Variants in TTYH2 observed in about 807,000 individuals in gnomAD.
TTYH2 encodes the protein tweety family member 2.
TTYH2 carries 49 observed loss-of-function variants against 68.3 expected under a neutral mutation model. The ratio of observed to expected loss-of-function variants is 0.72; its 90% confidence interval spans 0.57 to 0.91. TTYH2 has a LOEUF of 0.91. Among genes scored for constraint, TTYH2 ranks in the 40% least tolerant of loss-of-function variants. The pLI, the probability that TTYH2 is intolerant of heterozygous loss-of-function variation, is 0.00. For missense variants in TTYH2, 631 were observed against 700.4 expected, an observed-to-expected ratio of 0.90 and a Z score of 1.12; for synonymous variants, 272 against 300.8, an observed-to-expected ratio of 0.90 and a Z score of 0.99.
chr17:74,250,426 A>G, intron 10 of TTYH2, 69 bp downstream of exon 10: 1 of 1,356,218 alleles, frequency 7.4e-7, no homozygotes, highest in Non-Finnish European at 1.0e-6. Context: ...TCCAGAGAAA[A>G]GCCGGTAGAG....
chr17:74,253,584 T>A (rs2050660355), intron 12 of TTYH2, among the ~76,000 whole-genome samples, 171 bp from the exon 13 acceptor site: 1 of 152,176 alleles, frequency 6.6e-6, no homozygotes, highest in Non-Finnish European at 1.5e-5. Context: ...GTCCCCAGGC[T>A]TCCCAAGGTG....
chr17:74,248,491 C>T (rs1329145621), intron 6 of TTYH2: 1 of 991,300 alleles, frequency 1.0e-6, no homozygotes, highest in Non-Finnish European at 1.2e-6. Flanking sequence ...CTCACAGATG[C>T]TTCAGCACCA....
chr17:74,247,854 T>C (rs1435308474), intron 6 of TTYH2: 2 of 152,292 alleles, frequency 1.3e-5, no homozygotes, highest in African/African-American at 4.8e-5. Flanking sequence ...CGTGCGTGCA[T>C]GCGTGTGTGT....
At position 74,222,455 on chromosome 17, in the gene TTYH2, G is replaced by A. The variant is rs2050284784; in HGVS notation, c.130-30G>A. 1 of 1,589,198 alleles carries A rather than the reference G, an allele frequency of 6.3e-7. No individual in the cohort carries two copies. Among genetic ancestry groups the A allele is most frequent in the Non-Finnish European group, 8.5e-7 (1 of 1,170,354 alleles). On this transcript the variant is annotated intron_variant, in intron 1 of 13. Coordinates refer to ENST00000269346, the MANE Select transcript of TTYH2 (RefSeq NM_032646.6). This position sits in a 1 kb window ranked among gnomAD's most constrained non-coding sequence, Gnocchi z 5.2. ...CAGAGCCCCGCACTGCAGGGATGAAGAGTGACAACAGGCCTCTGCTCTCTT... is the reference window on the plus strand; with the variant it reads ...CAGAGCCCCGCACTGCAGGGATGAAAAGTGACAACAGGCCTCTGCTCTCTT...
intron 7 of TTYH2, 51 bp from the exon 8 acceptor site, chr17:74,249,293 A>G: frequency 6.2e-7 from 1 of 1,610,008 alleles, no homozygotes; most frequent in Non-Finnish European, 8.5e-7. Context: ...GATGATAGAG[A>G]TCTCATCTGG....
At chr17:74,229,756 C>A (rs1437315121) in intron 2 of TTYH2, among the ~76,000 whole-genome samples, 2 of 152,156 alleles carry the variant, frequency 1.3e-5, no homozygotes, top group African/African-American at 4.8e-5. Flanking sequence ...GCGAAAGAAG[C>A]CAGTCCGAAA....
intron 6 of TTYH2, among the ~76,000 whole-genome samples, chr17:74,244,656 A>G (rs2050537467): frequency 6.6e-6 from 1 of 152,110 alleles, no homozygotes; most frequent in Non-Finnish European, 1.5e-5. Context: ...AGGACCTAAC[A>G]CTGGCGCTAA....
intron 2 of TTYH2, among the ~76,000 whole-genome samples, chr17:74,224,767 A>G (rs935337745): frequency 1.3e-5 from 2 of 152,224 alleles, no homozygotes; most frequent in African/African-American, 4.8e-5. Context: ...TGGGAGGCCA[A>G]GGTGGGTGGA....
chr17:74,244,333 G>A (rs1049771489), intron 6 of TTYH2, among the ~76,000 whole-genome samples: 2 of 152,228 alleles, frequency 1.3e-5, no homozygotes, highest in Non-Finnish European at 2.9e-5. Flanking sequence ...AGGCTTACAC[G>A]TGCTTAGGCT....
At chr17:74,216,621 C>G (rs946228221) in intron 1 of TTYH2, among the ~76,000 whole-genome samples, 6 of 152,230 alleles carry the variant, frequency 3.9e-5, no homozygotes, top group African/African-American at 1.4e-4. Flanking sequence ...AACTTGAGCC[C>G]AAGTCCTCGC....
chr17:74,229,863 G>A (rs771703037), intron 2 of TTYH2, among the ~76,000 whole-genome samples: 35 of 152,232 alleles, frequency 2.3e-4, no homozygotes, highest in Non-Finnish European at 4.6e-4. Context: ...AGGTGCAGTG[G>A]CTCACGCCTG....
rs867232226 is a variant in TTYH2 at position 74,232,142 on chromosome 17, A to C, written c.414+1143A>C. Among the ~76,000 whole-genome samples, 22 of 152,202 alleles carry C rather than the reference A, an allele frequency of 1.4e-4. No individual in the cohort carries two copies. Among genetic ancestry groups the C allele is most frequent in the Non-Finnish European group, 2.6e-4 (18 of 68,028 alleles). On this transcript the variant is annotated intron_variant, in intron 3 of 13. Transcript: ENST00000269346. This position sits in a 1 kb window ranked among gnomAD's most constrained non-coding sequence, Gnocchi z 5.1. ...AGCCTCTGCCACAAAATCCAGCCCC[A>C]ACAGGAGAATTTGGCCATTGCCCCG...
intron 2 of TTYH2, among the ~76,000 whole-genome samples, chr17:74,223,998 C>T (rs752756074): frequency 6.6e-6 from 1 of 152,238 alleles, no homozygotes; most frequent in Non-Finnish European, 1.5e-5. Flanking sequence ...TGCTGCAATA[C>T]ATGGCCGGGG....
rs5822029 is a variant in TTYH2 at position 74,215,170 on chromosome 17, CGTGTGT to C, written c.129+1483_129+1488del. Among the ~76,000 whole-genome samples, 419 of 147,460 alleles carry C rather than the reference CGTGTGT, an allele frequency of 2.8e-3. 1 individual carries two copies. The highest frequency in any genetic ancestry group is 4.1e-3 in the Non-Finnish European group (270 of 66,602). The stretch of plus-strand genomic sequence containing the variant: ...AGGCGGATATGATTTCAGAAACAGC[CGTGTGT>C]GTGTGTGTGTGTGTGTGTGTGTGTG... On this transcript the variant is annotated intron_variant, in intron 1 of 13. Coordinates refer to ENST00000269346, the MANE Select transcript of TTYH2 (RefSeq NM_032646.6). This position sits in a 1 kb window ranked among gnomAD's most constrained non-coding sequence, Gnocchi z 4.3.
intron 1 of TTYH2, among the ~76,000 whole-genome samples, chr17:74,221,986 A>T (rs1322016978): frequency 2.0e-5 from 3 of 152,160 alleles, no homozygotes; most frequent in Non-Finnish European, 2.9e-5. Context: ...GAGGCAACAG[A>T]TACACAGGGC....
In TTYH2 at chr17:74,215,996, C is replaced by T. The variant is rs1300393363; in HGVS notation, c.129+2280C>T. On this transcript the variant is annotated intron_variant, in intron 1 of 13. Coordinates refer to ENST00000269346, the MANE Select transcript of TTYH2 (RefSeq NM_032646.6). The surrounding 1 kb of genome is among the most constrained non-coding windows in gnomAD (Gnocchi z 4.3). Reference sequence around the variant, plus strand: ...CCCTCCAGTTGGCTGGGGTGGATTCCCAGTTCTTTCCATGTGTGACCACGG... The same window carrying T: ...CCCTCCAGTTGGCTGGGGTGGATTCTCAGTTCTTTCCATGTGTGACCACGG... Among the ~76,000 whole-genome samples the T allele has an allele frequency of 6.6e-6, 1 of 152,206 alleles. No homozygotes were observed. The highest frequency in any genetic ancestry group is 2.4e-5 in the African/African-American group (1 of 41,452).
chr17:74,249,490 A>C, intron 8 of TTYH2, 91 bp downstream of exon 8: 1 of 1,440,452 alleles, frequency 6.9e-7, no homozygotes, highest in Non-Finnish European at 9.7e-7. Flanking sequence ...CGGAGGTGGC[A>C]GGGCCTTGCT....
chr17:74,231,068 C>T, intron 3 of TTYH2, 69 bp downstream of exon 3: 3 of 1,420,688 alleles, frequency 2.1e-6, no homozygotes, highest in Non-Finnish European at 3.0e-6. Flanking sequence ...GAGCAAGGGC[C>T]CCCGTCAGAT....
intron 10 of TTYH2, among the ~76,000 whole-genome samples, chr17:74,251,081 TGTG>T (rs57949398): frequency 0.38 from 57,283 of 149,036 alleles, 11,099 homozygotes; most frequent in African/African-American, 0.42. Context: ...TGTGTGCACT[TGTG>T]GTGTATATGT....
Sources: allele counts gnomAD v4.1 joint callset (sites outside exome capture counted in the v4.1 genomes callset), GRCh38; gene constraint gnomAD v4.1.1; non-coding constraint Gnocchi (gnomAD v3.1); transcripts MANE v1.5; gene names NCBI Gene and HGNC (gene_info 2026-07-23, HGNC 2026-07-21).